The following SHISA9 variants were observed in gnomAD, a reference collection of about 807,000 sequenced individuals.
SHISA9 encodes the protein shisa family member 9, also known as protein shisa-9.
Under a neutral mutation model 38.0 loss-of-function variants are expected in SHISA9, and 13 were observed. The observed-to-expected ratio is 0.34, with a 90% CI of 0.22 to 0.54. SHISA9 has a LOEUF of 0.54. Among genes scored for constraint, SHISA9 ranks in the 20% least tolerant of loss-of-function variants. The pLI is 0.91. For synonymous variants in SHISA9, 275 were observed against 242.0 expected (o/e 1.14, Z -1.27); for missense variants, 538 against 575.8 (o/e 0.93, Z 0.67).
At chr16:13,068,898 ATGTG>A (rs1451177232) in intron 2 of SHISA9, among the ~76,000 whole-genome samples, 1 of 151,356 alleles carries the variant, frequency 6.6e-6, no homozygotes, top group African/African-American at 2.4e-5. Context: ...TGTACATGGA[ATGTG>A]TATGTGTGTA....
chr16:13,433,532 G>C, the SHISA9 span, among the ~76,000 whole-genome samples: 37 of 65,158 alleles, frequency 5.7e-4, no homozygotes, highest in Non-Finnish European at 1.1e-3. Context: ...AGAGGTCAGA[G>C]AGATTAATGT....
At chr16:13,543,970 T>C in the SHISA9 span, among the ~76,000 whole-genome samples, 1 of 152,126 alleles carries the variant, frequency 6.6e-6, no homozygotes, top group African/African-American at 2.4e-5. Context: ...CTTGTGCAGC[T>C]GAACAAATAG....
chr16:13,248,188 G>T, the SHISA9 span, among the ~76,000 whole-genome samples: 13,280 of 152,118 alleles, frequency 0.087, 622 homozygotes, highest in Middle Eastern at 0.14. Flanking sequence ...TCTTTTTCAC[G>T]TGGAGTCAAC....
At chr16:13,453,271 T>C in the SHISA9 span, among the ~76,000 whole-genome samples, 1 of 152,200 alleles carries the variant, frequency 6.6e-6, no homozygotes, top group African/African-American at 2.4e-5. Flanking sequence ...GGCTCCTTAT[T>C]GCAAACTTTG....
the SHISA9 span, among the ~76,000 whole-genome samples, chr16:13,556,876 T>A: frequency 4.5e-4 from 69 of 152,136 alleles, no homozygotes; most frequent in African/African-American, 1.5e-3. Context: ...TTATAAGTAA[T>A]CTAGAGATGA....
chr16:13,038,787 C>T (rs1370931804), intron 2 of SHISA9, among the ~76,000 whole-genome samples: 1 of 152,214 alleles, frequency 6.6e-6, no homozygotes, highest in Non-Finnish European at 1.5e-5. Flanking sequence ...GCAAAGACTA[C>T]ATATCATGTC....
the SHISA9 span, among the ~76,000 whole-genome samples, chr16:13,358,248 A>G: frequency 6.6e-6 from 1 of 152,088 alleles, no homozygotes; most frequent in Admixed American, 6.6e-5. Flanking sequence ...TTGATTAGTG[A>G]TGTCTACCTG....
the SHISA9 span, among the ~76,000 whole-genome samples, chr16:13,264,136 T>C: frequency 6.6e-6 from 1 of 151,500 alleles, no homozygotes; most frequent in African/African-American, 2.4e-5. Flanking sequence ...TACAACTCAA[T>C]AGGGGAGTTA....
rs35810010 is a variant in SHISA9, at chr16:13,002,533, CT to C, written c.691+85737del. On this transcript the variant is annotated intron_variant, in intron 2 of 4. Coordinates refer to ENST00000558583, the MANE Select transcript of SHISA9 (RefSeq NM_001145204.3). ...TGTGAGACAGTCAGTTGGTTCCTGT[CT>C]TTTTTTTTTTTTTTTTTTGAGACAG... 2.0e-3 allele frequency among the ~76,000 whole-genome samples: 256 copies of C among 125,622 alleles called. 1 individual carries two copies. Among genetic ancestry groups the C allele is most frequent in the East Asian group, 5.5e-3 (25 of 4,552 alleles). The allele number at this position is 125,622 out of a possible 152,430, so 82.4% of individuals were successfully genotyped here.
At chr16:13,137,601 G>T (rs1461466738) in intron 2 of SHISA9, among the ~76,000 whole-genome samples, 1 of 151,868 alleles carries the variant, frequency 6.6e-6, no homozygotes, top group Non-Finnish European at 1.5e-5. Flanking sequence ...GACTACAGGT[G>T]CATGCCACCA....
chr16:13,045,506 T>C (rs933396820), intron 2 of SHISA9, among the ~76,000 whole-genome samples: 2 of 152,120 alleles, frequency 1.3e-5, no homozygotes, highest in African/African-American at 4.8e-5. Flanking sequence ...AAATATTTAT[T>C]GAGCATCTAC....
intron 2 of SHISA9, among the ~76,000 whole-genome samples, chr16:13,022,520 G>A (rs1430873425): frequency 3.3e-5 from 5 of 151,838 alleles, no homozygotes; most frequent in African/African-American, 7.3e-5. Context: ...TAATAGAGAC[G>A]GGGTTTCACC....
chr16:12,924,587 G>A (rs1031019345), intron 2 of SHISA9, among the ~76,000 whole-genome samples: 4 of 152,166 alleles, frequency 2.6e-5, no homozygotes, highest in African/African-American at 7.2e-5. Context: ...TGGCATATGG[G>A]TTAGTAAATT....
At chr16:13,072,823 G>A (rs2141924999) in intron 2 of SHISA9, among the ~76,000 whole-genome samples, 1 of 152,154 alleles carries the variant, frequency 6.6e-6, no homozygotes, top group Admixed American at 6.5e-5. Flanking sequence ...ACCACACCCA[G>A]CTAATTTTTG....
the SHISA9 span, among the ~76,000 whole-genome samples, chr16:13,268,561 A>T: frequency 6.6e-6 from 1 of 152,136 alleles, no homozygotes; most frequent in South Asian, 2.1e-4. Context: ...CATGTTGTAC[A>T]AGACTTAGCA....
At chr16:13,469,119 G>C in the SHISA9 span, among the ~76,000 whole-genome samples, 3 of 151,426 alleles carry the variant, frequency 2.0e-5, no homozygotes, top group African/African-American at 4.8e-5. Context: ...GTGGGTGTCT[G>C]TAATCCCAGC....
intron 4 of SHISA9, among the ~76,000 whole-genome samples, chr16:13,222,055 A>G (rs1170489632): frequency 6.6e-6 from 1 of 152,194 alleles, no homozygotes; most frequent in Non-Finnish European, 1.5e-5. Context: ...CACGTCTTAC[A>G]TGGCAGCAGG....
the SHISA9 span, among the ~76,000 whole-genome samples, chr16:13,513,094 T>G: frequency 6.6e-6 from 1 of 152,132 alleles, no homozygotes; most frequent in African/African-American, 2.4e-5. Context: ...GGGAGAAATA[T>G]TTGCAATATA....
At chr16:13,043,777 T>C (rs563566608) in intron 2 of SHISA9, among the ~76,000 whole-genome samples, 1 of 152,294 alleles carries the variant, frequency 6.6e-6, no homozygotes, top group South Asian at 2.1e-4. Context: ...TTTATTGACA[T>C]TTTACTGACT....
Sources: allele counts gnomAD v4.1 joint callset (sites outside exome capture counted in the v4.1 genomes callset), GRCh38; gene constraint gnomAD v4.1.1; transcripts MANE v1.5; gene names NCBI Gene and HGNC (gene_info 2026-07-23, HGNC 2026-07-21).